CLGN: variants seen among roughly 807,000 people sequenced by gnomAD.
The protein encoded by CLGN is testis tissue sperm-binding protein Li 79P.
In CLGN, 62 loss-of-function variants were observed where a neutral mutation model predicts 79.1. That is an observed-to-expected ratio of 0.78 (90% CI 0.64 to 0.97). The LOEUF (loss-of-function observed/expected upper bound fraction) is 0.97. Ranked by LOEUF, CLGN falls within the 50% of genes least tolerant of loss-of-function variation. The probability of loss-of-function intolerance (pLI) is 0.00; values close to 1 mark genes in which losing one functional copy is unlikely to be tolerated. For synonymous variants in CLGN, 225 were observed against 224.7 expected (o/e 1.00, Z -0.01); for missense variants, 647 against 715.5 (o/e 0.90, Z 1.09).
Position 140,395,965 on chromosome 4 carries a change from C to T in CLGN, c.1003G>A (p.Glu335Lys). The T allele has an allele frequency of 6.3e-7, 1 of 1,597,304 alleles. No homozygotes were observed. The change falls in exon 10 of 15, where the codon GAA (glutamate) becomes AAA (lysine). Residue 335 changes from glutamate to lysine, a missense_variant. Transcript: ENST00000325617. The part of the protein sequence containing the change: ...PNAEKPDDWN[E>K]DTDGEWEAPQ... ...GCCTCCCATTCTCCATCCGTGTCTT[C>T]ATTCCTTAGGATATTAAAACAAAGC...
intron 10 of CLGN, among the ~76,000 whole-genome samples, chr4:140,394,731 A>G (rs529292847): frequency 6.6e-6 from 1 of 152,364 alleles, no homozygotes; most frequent in African/African-American, 2.4e-5. Context: ...CTTTTAATAA[A>G]AACTACAGTG....
At chr4:140,394,957 G>A (rs1728840720) in intron 10 of CLGN, among the ~76,000 whole-genome samples, 3 of 151,912 alleles carry the variant, frequency 2.0e-5, no homozygotes, top group Admixed American at 2.0e-4. Context: ...CAAGGTGGGC[G>A]GATCACGGTC....
rs1232078275 is a variant in CLGN at position 140,400,487 on chromosome 4, ATCT to A, written c.561_563del (p.Glu187del). ...GTCTGAAGATAAAATGAAGTTTATA[ATCT>A]TCTCCACATTTATCTGGTCCAAACA... On this transcript the variant is annotated inframe_deletion, in exon 7 of 15. Transcript: ENST00000325617. 1.2e-6 allele frequency: 2 copies of A among 1,606,226 alleles called. No homozygotes were observed. Among genetic ancestry groups the A allele is most frequent in the Admixed American group, 1.7e-5 (1 of 59,912 alleles).
chr4:140,405,211 G>A (rs1165598983), intron 5 of CLGN, among the ~76,000 whole-genome samples: 1 of 129,322 alleles, frequency 7.7e-6, no homozygotes, highest in African/African-American at 2.9e-5. Flanking sequence ...TTGAGACGGA[G>A]TCTCGCTCTG....
rs374289558 is a variant in CLGN, at chr4:140,394,233, C to T, written c.1150-192G>A. On this transcript the variant is annotated intron_variant, in intron 10 of 14. Transcript: ENST00000325617. ...TTTGCTGTGTACACAATGTTCCCTA[C>T]GAGTGATACTAACTTTAAATTCTGC... 2.0e-4 allele frequency among the ~76,000 whole-genome samples: 31 copies of T among 152,142 alleles called. No homozygotes were observed. In the East Asian group the frequency reaches 3.5e-3, roughly 17 times the overall value.
At chr4:140,395,393 G>A (rs532049801) in intron 10 of CLGN, among the ~76,000 whole-genome samples, 6 of 151,984 alleles carry the variant, frequency 3.9e-5, no homozygotes, top group South Asian at 4.1e-4. Context: ...TGATCCGCCC[G>A]CCTTGGACTC....
chr4:140,421,832 G>A (rs757322387), intron 1 of CLGN, among the ~76,000 whole-genome samples: 3 of 151,922 alleles, frequency 2.0e-5, no homozygotes, highest in Non-Finnish European at 4.4e-5. Context: ...TTTGTTGTCT[G>A]TGCTTTTGGT....
rs375567274 is a variant in CLGN, at chr4:140,405,138, ATTGT to A, written c.419+800_419+803del. 5.3e-3 allele frequency among the ~76,000 whole-genome samples: 798 copies of A among 149,722 alleles called. 4 individuals are homozygous for A. The highest frequency in any genetic ancestry group is 0.017 in the African/African-American group (690 of 40,846). On this transcript the variant is annotated intron_variant, in intron 5 of 14. Coordinates refer to ENST00000325617, the MANE Select transcript of CLGN (RefSeq NM_004362.3). The stretch of plus-strand genomic sequence containing the variant: ...ATTTTTATTATTCTGTTCTGAATAT[ATTGT>A]TTAATATTTTGATAACAAGTAATTT...
At chr4:140,424,010 A>G (rs1028163911) in intron 1 of CLGN, among the ~76,000 whole-genome samples, 1 of 151,410 alleles carries the variant, frequency 6.6e-6, no homozygotes, top group African/African-American at 2.4e-5. Context: ...TCTATTTTCT[A>G]TTTTGTTTCT....
In CLGN at chr4:140,405,899, T is replaced by C. The variant is rs374166667; in HGVS notation, c.419+43A>G. On this transcript the variant is annotated intron_variant, in intron 5 of 14. Coordinates refer to ENST00000325617, the MANE Select transcript of CLGN (RefSeq NM_004362.3). The stretch of plus-strand genomic sequence containing the variant: ...AGCTATATTCAGAAGCCAAAGCTAA[T>C]ACAAAATTCAGAAAAAGTATTCAAA... 1.3e-4 allele frequency: 203 copies of C among 1,568,250 alleles called. 2 individuals are homozygous for C. Among genetic ancestry groups the C allele is most frequent in the Non-Finnish European group, 1.6e-4 (182 of 1,159,706 alleles).
chr4:140,390,453 A>G (rs1215911313), intron 14 of CLGN, among the ~76,000 whole-genome samples, 175 bp downstream of exon 14: 1 of 151,778 alleles, frequency 6.6e-6, no homozygotes, highest in Non-Finnish European at 1.5e-5. Flanking sequence ...GACAATATAA[A>G]TTACAGTATT....
chr4:140,410,461 T>C (rs971074389), intron 3 of CLGN, 92 bp downstream of exon 3: 4 of 806,422 alleles, frequency 5.0e-6, no homozygotes, highest in Non-Finnish European at 8.4e-6. Flanking sequence ...TTTTTATAGA[T>C]CTGTAGTAGA....
rs1392563385 is a variant in CLGN, at chr4:140,400,282, T to C, written c.694+75A>G. On this transcript the variant is annotated intron_variant, in intron 7 of 14. Coordinates refer to ENST00000325617, the MANE Select transcript of CLGN (RefSeq NM_004362.3). ...AGGATGGGGTACACATTTGTTTTCT[T>C]GTAAAGCACTTGCCATGAATACATC... 2.7e-6 allele frequency: 3 copies of C among 1,102,154 alleles called. No homozygotes were observed. In the African/African-American group the frequency reaches 4.8e-5, roughly 18 times the overall value. The allele number at this position is 1,102,154 out of a possible 1,614,324, so 68.3% of individuals were successfully genotyped here.
At chr4:140,413,689 C>A (rs1053063835) in intron 1 of CLGN, among the ~76,000 whole-genome samples, 1 of 152,234 alleles carries the variant, frequency 6.6e-6, no homozygotes, top group Non-Finnish European at 1.5e-5. Flanking sequence ...TATCCCGCAC[C>A]TGGCTTGGAG....
rs358330 is a variant in CLGN, at chr4:140,392,719, C to G, written c.1366-8G>C. 1 of 1,562,792 alleles carries G rather than the reference C, an allele frequency of 6.4e-7. No individual in the cohort carries two copies. Among genetic ancestry groups the G allele is most frequent in the East Asian group, 2.3e-5 (1 of 43,340 alleles). On this transcript the variant is annotated splice_region_variant and splice_polypyrimidine_tract_variant and intron_variant, in intron 11 of 14. Coordinates refer to ENST00000325617, the MANE Select transcript of CLGN (RefSeq NM_004362.3). ...CTGTTTTAATACACCAGGCTATAGA[C>G]GAGATAAGCATAAAAATGCAATTCA...
chr4:140,426,023 C>T (rs1266864916), intron 1 of CLGN, among the ~76,000 whole-genome samples: 1 of 152,124 alleles, frequency 6.6e-6, no homozygotes, highest in South Asian at 2.1e-4. Flanking sequence ...GTTTTAATGG[C>T]TGACTGAGGA....
At chr4:140,416,772 CA>C (rs1729341485) in intron 1 of CLGN, among the ~76,000 whole-genome samples, 1 of 152,116 alleles carries the variant, frequency 6.6e-6, no homozygotes, top group Non-Finnish European at 1.5e-5. Context: ...ACGAGAGGTA[CA>C]AGGAGGAACT....
At chr4:140,413,732 A>G (rs1185121055) in intron 1 of CLGN, among the ~76,000 whole-genome samples, 1 of 152,206 alleles carries the variant, frequency 6.6e-6, no homozygotes, top group Non-Finnish European at 1.5e-5. Flanking sequence ...GCTGATTAAT[A>G]GCACAGCAGT....
rs1729178663 is a variant in CLGN at position 140,409,868 on chromosome 4, A to AT, written c.245dup (p.Asp82GlufsTer2). ...ATATTGAAATTTCCTCATCCATGTCATCTTTCTTTGCTTTTGATAAGACCC... is the reference window on the plus strand; with the variant it reads ...ATATTGAAATTTCCTCATCCATGTCATTCTTTCTTTGCTTTTGATAAGACCC... On this transcript the variant is annotated frameshift_variant, in exon 4 of 15. Coordinates refer to ENST00000325617, the MANE Select transcript of CLGN (RefSeq NM_004362.3). LOFTEE classifies it high-confidence loss of function. The AT allele has an allele frequency of 6.3e-7, 1 of 1,599,496 alleles. No homozygotes were observed. Among genetic ancestry groups the AT allele is most frequent in the African/African-American group, 1.3e-5 (1 of 74,326 alleles).
Sources: gnomAD v4.1 joint callset for allele counts (sites outside exome capture counted in the v4.1 genomes callset) on GRCh38, gnomAD v4.1.1 for gene constraint, MANE v1.5 for transcripts, NCBI Gene and HGNC (gene_info 2026-07-23, HGNC 2026-07-21) for gene names.